Variants in PCCB observed in about 807,000 individuals in gnomAD.
The protein encoded by PCCB is propionyl-CoA carboxylase subunit beta, also known as propionyl-CoA carboxylase beta chain, mitochondrial.
Under a neutral mutation model 60.7 loss-of-function variants are expected in PCCB, and 43 were observed. The ratio of observed to expected loss-of-function variants is 0.71; its 90% CI spans 0.55 to 0.91. The LOEUF (loss-of-function observed/expected upper bound fraction) is 0.91. Ranked by LOEUF, PCCB falls within the 40% of genes least tolerant of loss-of-function variation. The pLI is 0.00. For missense variants in PCCB, 766 were observed against 702.8 expected (o/e 1.09, Z -1.02); for synonymous variants, 276 against 255.9 (o/e 1.08, Z -0.75).
chr3:136,304,315 T>G (rs2108212112), intron 9 of PCCB, among the ~76,000 whole-genome samples: 1 of 120,262 alleles, frequency 8.3e-6, no homozygotes, highest in South Asian at 3.3e-4. Context: ...CCACCACATC[T>G]GGCTAATTTT....
intron 5 of PCCB, among the ~76,000 whole-genome samples, chr3:136,262,884 C>G (rs1309882895): frequency 6.6e-6 from 1 of 151,966 alleles, no homozygotes; most frequent in Admixed American, 6.6e-5. Context: ...TGATAAACCA[C>G]CACATTTTAG....
chr3:136,311,091 G>A (rs1006432780), intron 9 of PCCB, among the ~76,000 whole-genome samples: 3 of 152,004 alleles, frequency 2.0e-5, no homozygotes, highest in African/African-American at 4.8e-5. Flanking sequence ...CCAAGAAGAG[G>A]ACCAATTAGA....
chr3:136,258,278 A>C (rs192869054), intron 3 of PCCB, among the ~76,000 whole-genome samples: 1 of 152,302 alleles, frequency 6.6e-6, no homozygotes, highest in East Asian at 1.9e-4. Context: ...GAGATGACTG[A>C]GACAAGAGTT....
chr3:136,301,226 G>T (rs112239683), intron 9 of PCCB, 115 bp downstream of exon 9: 1 of 804,672 alleles, frequency 1.2e-6, no homozygotes. Flanking sequence ...GACAGCACAG[G>T]TCGGGAATAG....
intron 10 of PCCB, among the ~76,000 whole-genome samples, chr3:136,322,492 TTCTG>T (rs2108232476): frequency 6.6e-6 from 1 of 152,366 alleles, no homozygotes; most frequent in South Asian, 2.1e-4. Flanking sequence ...AAAGTATTCT[TTCTG>T]CTTCTGTCTT....
rs758734437 is a variant in PCCB at position 136,328,786 on chromosome 3, A to G, written c.1427A>G (p.His476Arg). 2 of 1,614,144 alleles carry G rather than the reference A, an allele frequency of 1.2e-6. No homozygotes were observed. The highest frequency in any genetic ancestry group is 1.1e-5 in the South Asian group (1 of 91,086). ...GCTGTGGAGATCATCTTCAAAGGGC[A>G]TGAGAATGTGGAAGCTGCTCAGGCA... is the stretch of plus-strand genomic sequence containing the variant. ...KGAVEIIFKG[H>R]ENVEAAQAEY... Residue 476 changes from histidine (H) to arginine (R), a missense_variant, in exon 14 of 15, where the codon CAT becomes CGT. His to Arg is a conservative substitution (Grantham distance 29, BLOSUM62 0). Transcript: ENST00000251654.
chr3:136,327,796 G>A (rs1935381919), intron 13 of PCCB, 64 bp downstream of exon 13: 2 of 1,292,728 alleles, frequency 1.5e-6, no homozygotes, highest in Non-Finnish European at 2.2e-6. Flanking sequence ...GAGAGCTCAA[G>A]GCATAGCTGG....
At chr3:136,268,330 G>T (rs915801239) in intron 5 of PCCB, among the ~76,000 whole-genome samples, 3 of 151,202 alleles carry the variant, frequency 2.0e-5, no homozygotes, top group Non-Finnish European at 2.9e-5. Flanking sequence ...AATATCAGTT[G>T]ATCATAAATG....
chr3:136,307,636 AAAAAG>A (rs973958124), intron 9 of PCCB, among the ~76,000 whole-genome samples: 43 of 152,052 alleles, frequency 2.8e-4, no homozygotes, highest in African/African-American at 1.0e-3. Context: ...AAAAATAAAA[AAAAAG>A]GTAAAAGACA....
At chr3:136,328,973 A>G (rs1935435669) in intron 14 of PCCB, 116 bp downstream of exon 14, 2 of 820,964 alleles carry the variant, frequency 2.4e-6, no homozygotes, top group South Asian at 1.4e-5. Context: ...TCTGTTGACT[A>G]GTGAGGGTTG....
intron 5 of PCCB, among the ~76,000 whole-genome samples, chr3:136,276,823 C>T (rs943825509): frequency 6.6e-6 from 1 of 152,230 alleles, no homozygotes; most frequent in Non-Finnish European, 1.5e-5. Flanking sequence ...GCAATTGTGT[C>T]TCTGCTGAAA....
At chr3:136,267,432 C>G (rs565277997) in intron 5 of PCCB, among the ~76,000 whole-genome samples, 1 of 152,074 alleles carries the variant, frequency 6.6e-6, no homozygotes, top group Non-Finnish European at 1.5e-5. Context: ...TGGTCTCAAG[C>G]GATCTGCCTC....
intron 10 of PCCB, among the ~76,000 whole-genome samples, chr3:136,321,170 G>A (rs1560030853): frequency 6.6e-6 from 1 of 152,054 alleles, no homozygotes; most frequent in Admixed American, 6.5e-5. Context: ...AATCCCACTG[G>A]ATCACAGTGT....
chr3:136,258,947 T>G (rs1237735179), intron 3 of PCCB, among the ~76,000 whole-genome samples: 1 of 152,066 alleles, frequency 6.6e-6, no homozygotes, highest in African/African-American at 2.4e-5. Context: ...GGTATTTTCT[T>G]GTGCTTTCAG....
At chr3:136,255,756 A>G in intron 1 of PCCB, 100 bp from the exon 2 acceptor site, 1 of 1,007,830 alleles carries the variant, frequency 9.9e-7, no homozygotes, top group South Asian at 1.3e-5. Context: ...ATTGAGATCA[A>G]CGGGCAAATC....
chr3:136,301,247 G>A (rs1162482161), intron 9 of PCCB, 136 bp downstream of exon 9: 2 of 730,404 alleles, frequency 2.7e-6, no homozygotes, highest in Non-Finnish European at 4.9e-6. Context: ...GGTGGGCACA[G>A]GACCAGTGGC....
chr3:136,268,822 T>A (rs935700316), intron 5 of PCCB, among the ~76,000 whole-genome samples: 11 of 152,158 alleles, frequency 7.2e-5, no homozygotes, highest in Non-Finnish European at 1.5e-4. Flanking sequence ...CTGCATTGAG[T>A]CTGTAGATGA....
rs564029513 is a variant in PCCB, at chr3:136,253,035, T to A, written c.183+2477T>A. On this transcript the variant is annotated intron_variant, in intron 1 of 14. Transcript: ENST00000251654. ...GGGAGGGGGGGATAGGACAGTAGGC[T>A]AGGGTATTTGCCTCGGGTTGAGAGC... 1.4e-3 allele frequency among the ~76,000 whole-genome samples: 216 copies of A among 148,988 alleles called. 1 individual carries two copies. The highest frequency in any genetic ancestry group is 3.5e-3 in the Middle Eastern group (1 of 286).
chr3:136,327,090 G>A, intron 11 of PCCB, 65 bp from the exon 12 acceptor site: 1 of 1,465,170 alleles, frequency 6.8e-7, no homozygotes, highest in South Asian at 1.1e-5. Context: ...AGACCTCACA[G>A]CTGAGAGTGG....
Sources: gnomAD v4.1 joint callset for allele counts (sites outside exome capture counted in the v4.1 genomes callset) on GRCh38, gnomAD v4.1.1 for gene constraint, MANE v1.5 for transcripts, NCBI Gene and HGNC (gene_info 2026-07-23, HGNC 2026-07-21) for gene names.